AKAP19: variants seen among roughly 807,000 people sequenced by gnomAD.
AKAP19 encodes the protein A-kinase anchoring protein 19.
At chr2:190,011,365 T>C in the AKAP19 span, among the ~76,000 whole-genome samples, 1 of 152,172 alleles carries the variant, frequency 6.6e-6, no homozygotes, top group Non-Finnish European at 1.5e-5. Flanking sequence ...CCAGCACCAT[T>C]CTGTCATTCT....
the AKAP19 span, among the ~76,000 whole-genome samples, chr2:190,130,236 A>G: frequency 6.6e-6 from 1 of 152,310 alleles, no homozygotes; most frequent in South Asian, 2.1e-4. Flanking sequence ...GAAGGAGTAT[A>G]AGAATTGATG....
At chr2:190,184,449 T>C in the AKAP19 span, among the ~76,000 whole-genome samples, 3 of 152,202 alleles carry the variant, frequency 2.0e-5, no homozygotes, top group Non-Finnish European at 4.4e-5. Context: ...AGTTGATAAA[T>C]AGGAAAACTT....
At chr2:189,993,301 G>A in the AKAP19 span, among the ~76,000 whole-genome samples, 1 of 152,082 alleles carries the variant, frequency 6.6e-6, no homozygotes, top group Admixed American at 6.6e-5. Context: ...TTCTGTTTAT[G>A]TGATATATCA....
At chr2:189,918,087 T>A in the AKAP19 span, among the ~76,000 whole-genome samples, 2 of 151,772 alleles carry the variant, frequency 1.3e-5, no homozygotes, top group Non-Finnish European at 2.9e-5. Flanking sequence ...TCCCTTTATG[T>A]TTTTTTTACC....
At chr2:190,180,433 G>A in the AKAP19 span, 5 of 980,406 alleles carry the variant, frequency 5.1e-6, no homozygotes, top group Non-Finnish European at 6.1e-6. The surrounding 1 kb of genome is among the most constrained non-coding windows in gnomAD (Gnocchi z 6.8). Flanking sequence ...CGCAGCCCAG[G>A]GGGCCGAGAC....
the AKAP19 span, among the ~76,000 whole-genome samples, chr2:189,973,648 G>T: frequency 1.3e-5 from 2 of 152,104 alleles, no homozygotes; most frequent in Non-Finnish European, 2.9e-5. Flanking sequence ...ATTAAGTATT[G>T]CCTCAATTTC....
At chr2:189,947,064 T>C in the AKAP19 span, among the ~76,000 whole-genome samples, 16 of 152,206 alleles carry the variant, frequency 1.1e-4, no homozygotes, top group Non-Finnish European at 1.5e-5. Flanking sequence ...AGTGAAAATA[T>C]CTGTCTTATG....
the AKAP19 span, among the ~76,000 whole-genome samples, chr2:190,078,401 A>G: frequency 6.6e-6 from 1 of 152,182 alleles, no homozygotes; most frequent in Admixed American, 6.5e-5. Context: ...CCTGAAATAG[A>G]AGTCCCCTTA....
the AKAP19 span, among the ~76,000 whole-genome samples, chr2:189,963,195 TTC>T: frequency 2.2e-4 from 14 of 63,738 alleles, no homozygotes; most frequent in Admixed American, 2.5e-4. Flanking sequence ...CGGGCTTCAC[TTC>T]TCTTTTTTTT....
At chr2:190,093,340 G>A in the AKAP19 span, among the ~76,000 whole-genome samples, 351 of 152,182 alleles carry the variant, frequency 2.3e-3, no homozygotes, top group Non-Finnish European at 3.7e-3. Context: ...GGCTGAGGCC[G>A]GAGAATCTCT....
the AKAP19 span, among the ~76,000 whole-genome samples, chr2:190,004,720 T>C: frequency 6.6e-6 from 1 of 152,126 alleles, no homozygotes; most frequent in African/African-American, 2.4e-5. Context: ...AAAGGAATCA[T>C]AACTAGCAGA....
the AKAP19 span, among the ~76,000 whole-genome samples, chr2:190,192,161 G>C: frequency 6.6e-6 from 1 of 151,914 alleles, no homozygotes; most frequent in East Asian, 1.9e-4. Context: ...TTTGGTGGGG[G>C]GAGAGTATGT....
the AKAP19 span, among the ~76,000 whole-genome samples, chr2:190,087,827 T>C: frequency 2.0e-5 from 3 of 152,230 alleles, no homozygotes; most frequent in Non-Finnish European, 2.9e-5. Context: ...CTAGTCAGAA[T>C]GGGACAATCT....
chr2:189,942,182 G>T, the AKAP19 span, among the ~76,000 whole-genome samples: 1 of 152,178 alleles, frequency 6.6e-6, no homozygotes, highest in Non-Finnish European at 1.5e-5. Context: ...TGGATCATGG[G>T]TGCAGATCCC....
At chr2:189,972,564 A>G in the AKAP19 span, among the ~76,000 whole-genome samples, 1 of 152,250 alleles carries the variant, frequency 6.6e-6, no homozygotes, top group African/African-American at 2.4e-5. Flanking sequence ...TCTATAAATT[A>G]CCTTGGGCAG....
At chr2:190,125,254 T>C in the AKAP19 span, among the ~76,000 whole-genome samples, 1 of 152,136 alleles carries the variant, frequency 6.6e-6, no homozygotes, top group East Asian at 1.9e-4. Flanking sequence ...CCCTAGGTGA[T>C]AGGAATGTTT....
At chr2:190,152,972 T>A in the AKAP19 span, among the ~76,000 whole-genome samples, 1 of 151,906 alleles carries the variant, frequency 6.6e-6, no homozygotes. Context: ...TTCAGCTTAC[T>A]GCAAGCTCCG....
the AKAP19 span, among the ~76,000 whole-genome samples, chr2:189,976,130 T>A: frequency 6.6e-6 from 1 of 152,220 alleles, no homozygotes; most frequent in Non-Finnish European, 1.5e-5. Context: ...TGGTTTTTGA[T>A]GATGGTGACG....
the AKAP19 span, among the ~76,000 whole-genome samples, chr2:190,042,516 G>T: frequency 6.6e-6 from 1 of 151,616 alleles, no homozygotes; most frequent in Non-Finnish European, 1.5e-5. Context: ...ATTTACTTCA[G>T]TTCAGCTCTG....
Sources: gnomAD v4.1 joint callset for allele counts (sites outside exome capture counted in the v4.1 genomes callset) on GRCh38, gnomAD v4.1.1 for gene constraint, Gnocchi (gnomAD v3.1) non-coding constraint, MANE v1.5 for transcripts, NCBI Gene and HGNC (gene_info 2026-07-23, HGNC 2026-07-21) for gene names.